HIPK2: variants seen among roughly 807,000 people sequenced by gnomAD.
HIPK2 encodes homeodomain interacting protein kinase 2, also known as homeodomain-interacting protein kinase 2.
HIPK2 carries 27 observed loss-of-function variants against 113.7 expected under a neutral mutation model. The observed-to-expected ratio is 0.24, with a 90% CI of 0.17 to 0.33. The LOEUF is 0.33. HIPK2 is among the 10% of genes least tolerant of loss of function. The probability of loss-of-function intolerance (pLI) is 1.00; values close to 1 mark genes in which losing one functional copy is unlikely to be tolerated. For synonymous variants in HIPK2, 631 were observed against 642.2 expected (o/e 0.98, Z 0.26); for missense variants, 1,257 against 1,588.0 (o/e 0.79, Z 3.54).
At chr7:139,749,307 T>C (rs752479454) in intron 1 of HIPK2, among the ~76,000 whole-genome samples, 1 of 152,260 alleles carries the variant, frequency 6.6e-6, no homozygotes, top group Non-Finnish European at 1.5e-5. Context: ...AAAGGTGCTG[T>C]GGTTCATGGC....
chr7:139,688,678 G>A (rs75013729), intron 2 of HIPK2, among the ~76,000 whole-genome samples: 5,778 of 152,278 alleles, frequency 0.038, 254 homozygotes, highest in East Asian at 0.19. Context: ...GATAATATTT[G>A]TTATCAATCA....
chr7:139,650,126 G>T (rs185855490), intron 2 of HIPK2, among the ~76,000 whole-genome samples: 78 of 152,320 alleles, frequency 5.1e-4, no homozygotes, highest in African/African-American at 1.8e-3. Flanking sequence ...AAGGCAGGCA[G>T]ATCACCTGAG....
chr7:139,617,767 A>G (rs1241412376), intron 7 of HIPK2, among the ~76,000 whole-genome samples: 1 of 152,240 alleles, frequency 6.6e-6, no homozygotes, highest in Non-Finnish European at 1.5e-5. Flanking sequence ...TACTGGATAT[A>G]TGTTAAAGGT....
intron 2 of HIPK2, among the ~76,000 whole-genome samples, chr7:139,647,493 A>C (rs1239413111): frequency 2.6e-5 from 4 of 152,214 alleles, no homozygotes; most frequent in Non-Finnish European, 1.5e-5. Flanking sequence ...CTTCTCTGAT[A>C]ATAAGGATTT....
chr7:139,739,323 C>T (rs535897823), intron 1 of HIPK2, among the ~76,000 whole-genome samples: 5 of 152,330 alleles, frequency 3.3e-5, no homozygotes, highest in East Asian at 1.9e-4. Flanking sequence ...TGCAGTGGCT[C>T]ATGCCTGTAA....
chr7:139,758,252 T>C (rs989067404), intron 1 of HIPK2, among the ~76,000 whole-genome samples: 2 of 152,124 alleles, frequency 1.3e-5, no homozygotes, highest in Non-Finnish European at 2.9e-5. Flanking sequence ...GAAAAGATGA[T>C]ATAAATTTCA....
At chr7:139,687,462 T>C (rs1794259258) in intron 2 of HIPK2, among the ~76,000 whole-genome samples, 1 of 152,216 alleles carries the variant, frequency 6.6e-6, no homozygotes. Flanking sequence ...GTATTTATAA[T>C]ATGCCAGGCA....
At chr7:139,586,663 G>C (rs1216649398) in intron 12 of HIPK2, among the ~76,000 whole-genome samples, 2 of 152,002 alleles carry the variant, frequency 1.3e-5, no homozygotes, top group East Asian at 3.9e-4. Flanking sequence ...CCAGCTGTTT[G>C]GGAGGCTGAG....
In HIPK2 at chr7:139,600,443, C is replaced by A. The variant is rs1361953011; in HGVS notation, c.2409G>T (p.Lys803Asn). 6.2e-7 allele frequency: 1 copy of A among 1,613,634 alleles called. No homozygotes were observed. The highest frequency in any genetic ancestry group is 8.5e-7 in the Non-Finnish European group (1 of 1,179,876). The change falls in exon 11 of 15, where the codon AAG becomes AAT. Residue 803 changes from lysine (K) to asparagine (N), a missense_variant. By Grantham distance (94) the Lys-to-Asn change is moderately conservative. Around this residue, in one of 5 missense-constraint regions of HIPK2, gnomAD observed 862 missense variants for 1,004.3 expected, o/e 0.86. Coordinates refer to ENST00000406875, the MANE Select transcript of HIPK2 (RefSeq NM_022740.5). ...QQPTSTTSSR[K>N]SKQHQSSVRN... ...TCACAGATGACTGGTGCTGCTTACT[C>A]TTCCGGGAGGAGGTGGTGCTGGTTG...
intron 2 of HIPK2, among the ~76,000 whole-genome samples, chr7:139,685,385 A>G (rs1794185209): frequency 6.6e-6 from 1 of 151,290 alleles, no homozygotes; most frequent in African/African-American, 2.4e-5. Context: ...CTGGTCTCAA[A>G]CTCCTGGGCT....
At position 139,701,131 on chromosome 7, in the gene HIPK2, G is replaced by C. The variant is rs952122658; in HGVS notation, c.1103+14801C>G. On this transcript the variant is annotated intron_variant, in intron 2 of 14. Coordinates refer to ENST00000406875, the MANE Select transcript of HIPK2 (RefSeq NM_022740.5). ...GTTTCTTGCAAGGGCAGCCCCGATG[G>C]AGGAAGGTAAAGCAGTGAACCGGCA... 2.0e-5 allele frequency among the ~76,000 whole-genome samples: 3 copies of C among 152,204 alleles called. No individual in the cohort carries two copies. In the East Asian group the frequency reaches 5.8e-4, roughly 29 times the overall value.
At chr7:139,698,084 T>G (rs980522314) in intron 2 of HIPK2, among the ~76,000 whole-genome samples, 1 of 152,124 alleles carries the variant, frequency 6.6e-6, no homozygotes, top group South Asian at 2.1e-4. Flanking sequence ...AGGCTGGTCT[T>G]GAACTCCTGG....
chr7:139,652,470 G>C (rs778611945), intron 2 of HIPK2, among the ~76,000 whole-genome samples: 3 of 152,204 alleles, frequency 2.0e-5, no homozygotes, highest in Non-Finnish European at 2.9e-5. Flanking sequence ...CCAAGTCATG[G>C]TTGCTGTTCT....
chr7:139,664,162 C>CAACG (rs1276587647), intron 2 of HIPK2, among the ~76,000 whole-genome samples: 4 of 152,212 alleles, frequency 2.6e-5, no homozygotes, highest in Non-Finnish European at 5.9e-5. Context: ...ACCAACCAAC[C>CAACG]AAATATCTCA....
In HIPK2 at chr7:139,563,251, C is replaced by T. The variant is rs536990723; in HGVS notation, c.*9676G>A. 4 of 152,788 alleles carry T rather than the reference C, an allele frequency of 2.6e-5. No homozygotes were observed. In the East Asian group the frequency reaches 7.7e-4, roughly 29 times the overall value. 9.5% of individuals were successfully genotyped at this position (152,788 alleles called of 1,614,324 possible). A position where few individuals can be genotyped will look rare whatever the true frequency, so the allele number is the denominator to read the frequency against. On this transcript the variant is annotated 3_prime_UTR_variant, in exon 15 of 15. Transcript: ENST00000406875. The stretch of plus-strand genomic sequence containing the variant: ...TATAACCTGAGCCAAACAATTTCAA[C>T]AATGACAATCCATTGCCCCTTCAGC...
chr7:139,725,626 C>A (rs1015865166), intron 1 of HIPK2, among the ~76,000 whole-genome samples: 1 of 152,202 alleles, frequency 6.6e-6, no homozygotes, highest in African/African-American at 2.4e-5. Context: ...GAAGCCCAAC[C>A]ATGAGAGCTG....
In HIPK2 at chr7:139,716,963, G is replaced by A; in HGVS notation, c.72C>T (p.Ala24=). 6.2e-7 allele frequency: 1 copy of A among 1,613,952 alleles called. No homozygotes were observed. The highest frequency in any genetic ancestry group is 8.5e-7 in the Non-Finnish European group (1 of 1,179,858). ...VFSPHTLQSS[A]FCSVKKLKIE... ...TTTTCAGTTTCTTCACACTACAGAA[G>A]GCACTTGATTGAAGGGTGTGAGGGG... Residue 24 remains alanine (A), a synonymous_variant, in exon 2 of 15, where the codon GCC becomes GCT. Transcript: ENST00000406875. This position sits in a 1 kb window ranked among gnomAD's most constrained non-coding sequence, Gnocchi z 9.3.
intron 1 of HIPK2, among the ~76,000 whole-genome samples, chr7:139,722,878 T>G (rs988686829): frequency 1.3e-5 from 2 of 152,044 alleles, no homozygotes; most frequent in Non-Finnish European, 2.9e-5. Flanking sequence ...TTTTTTTTTT[T>G]TGGGACAGGA....
At chr7:139,709,304 C>A (rs1411900536) in intron 2 of HIPK2, among the ~76,000 whole-genome samples, 1 of 152,212 alleles carries the variant, frequency 6.6e-6, no homozygotes, top group Non-Finnish European at 1.5e-5. Flanking sequence ...TTTAAAAGTT[C>A]ATGCCTGCGA....
Sources: allele counts gnomAD v4.1 joint callset (sites outside exome capture counted in the v4.1 genomes callset), GRCh38; gene constraint gnomAD v4.1.1; regional missense constraint gnomAD v4.1.1; non-coding constraint Gnocchi (gnomAD v3.1); transcripts MANE v1.5; gene names NCBI Gene and HGNC (gene_info 2026-07-23, HGNC 2026-07-21).